TTC38: variants seen among roughly 807,000 people sequenced by gnomAD.
TTC38 encodes the protein tetratricopeptide repeat protein 38.
Under a neutral mutation model 64.2 loss-of-function variants are expected in TTC38, and 64 were observed. The ratio of observed to expected loss-of-function variants is 1.00; its 90% CI spans 0.81 to 1.23. The LOEUF (loss-of-function observed/expected upper bound fraction) is 1.23, where lower values mean the gene tolerates loss of function less well. TTC38 is among the 50% of genes most tolerant of loss of function. The pLI is 0.00. For synonymous variants in TTC38, 254 were observed against 249.3 expected, an observed-to-expected ratio of 1.02 and a Z score of -0.18; for missense variants, 573 against 615.5, an observed-to-expected ratio of 0.93 and a Z score of 0.73.
rs1235217879 is a variant in TTC38 at position 46,291,466 on chromosome 22, T to G, written c.1317-1325T>G. ...GGGGCCTTCTCTCCAAGTCCTGTCC[T>G]GCTACCAGGCAGCATCCATGGGGCC... On this transcript the variant is annotated intron_variant, in intron 13 of 13. Transcript: ENST00000381031. This position sits in a 1 kb window ranked among gnomAD's most constrained non-coding sequence, Gnocchi z 4.6. Among the ~76,000 whole-genome samples, 1 of 152,168 alleles carries G rather than the reference T, an allele frequency of 6.6e-6. No individual in the cohort carries two copies. Among genetic ancestry groups the G allele is most frequent in the Non-Finnish European group, 1.5e-5 (1 of 68,024 alleles).
At chr22:46,284,935 G>C (rs1256053384) in intron 8 of TTC38, among the ~76,000 whole-genome samples, 1 of 150,866 alleles carries the variant, frequency 6.6e-6, no homozygotes, top group Non-Finnish European at 1.5e-5. Flanking sequence ...GCAGCAGTTA[G>C]TATGAGCAAT....
In TTC38 at chr22:46,272,474, T is replaced by C. The variant is rs1266083752; in HGVS notation, c.193+58T>C. The C allele has an allele frequency of 7.0e-7, 1 of 1,435,616 alleles. No individual in the cohort carries two copies. Among genetic ancestry groups the C allele is most frequent in the East Asian group, 2.3e-5 (1 of 43,852 alleles). 88.9% of individuals were successfully genotyped at this position (1,435,616 alleles called of 1,614,324 possible). On this transcript the variant is annotated intron_variant, in intron 3 of 13. Coordinates refer to ENST00000381031, the MANE Select transcript of TTC38 (RefSeq NM_017931.4). The surrounding 1 kb of genome is among the most constrained non-coding windows in gnomAD (Gnocchi z 6.4). ...CGCTTCACACATCCAGCCCCTCTCTTTCCTTTACCACAGGGACACAGTTGG... is the reference window on the plus strand; with the variant it reads ...CGCTTCACACATCCAGCCCCTCTCTCTCCTTTACCACAGGGACACAGTTGG...
intron 10 of TTC38, among the ~76,000 whole-genome samples, chr22:46,287,605 A>G (rs1299103626): frequency 6.6e-6 from 1 of 152,208 alleles, no homozygotes; most frequent in Non-Finnish European, 1.5e-5. Context: ...GGGACCAACC[A>G]CAGCTCTGGG....
At position 46,271,435 on chromosome 22, in the gene TTC38, G is replaced by A. The variant is rs56016529; in HGVS notation, c.112-900G>A. Among the ~76,000 whole-genome samples the A allele has an allele frequency of 0.011, 1,745 of 151,908 alleles. 33 individuals carry two copies. Among genetic ancestry groups the A allele is most frequent in the African/African-American group, 0.04 (1,658 of 41,400 alleles). On this transcript the variant is annotated intron_variant, in intron 2 of 13. Transcript: ENST00000381031. This position sits in a 1 kb window ranked among gnomAD's most constrained non-coding sequence, Gnocchi z 5.5. Reference sequence around the variant, plus strand: ...TCACCGTGTTAGCCAGGATGGTCTCGATCTCCTGACCTCATGATCCGCCCA... The same window carrying A: ...TCACCGTGTTAGCCAGGATGGTCTCAATCTCCTGACCTCATGATCCGCCCA...
At position 46,275,148 on chromosome 22, in the gene TTC38, C is replaced by A; in HGVS notation, c.366-100C>A. 2 of 1,175,328 alleles carry A rather than the reference C, an allele frequency of 1.7e-6. No individual in the cohort carries two copies. The highest frequency in any genetic ancestry group is 2.4e-6 in the Non-Finnish European group (2 of 827,710). The allele number at this position is 1,175,328 out of a possible 1,614,324, so 72.8% of individuals were successfully genotyped here. ...AAACTGATTTTTAAAAAAACACATC[C>A]ATGTAGACCATGACACTGGTGAGAA... On this transcript the variant is annotated intron_variant, in intron 4 of 13. Coordinates refer to ENST00000381031, the MANE Select transcript of TTC38 (RefSeq NM_017931.4). The surrounding 1 kb of genome is among the most constrained non-coding windows in gnomAD (Gnocchi z 4.5).
rs1178485243 is a variant in TTC38, at chr22:46,276,527, A to G, written c.539+1106A>G. 6.6e-6 allele frequency among the ~76,000 whole-genome samples: 1 copy of G among 151,780 alleles called. No homozygotes were observed. Among genetic ancestry groups the G allele is most frequent in the African/African-American group, 2.4e-5 (1 of 41,358 alleles). On this transcript the variant is annotated intron_variant, in intron 5 of 13. Transcript: ENST00000381031. This position sits in a 1 kb window ranked among gnomAD's most constrained non-coding sequence, Gnocchi z 4.7. ...CATGGCAAGACTCTGTCTCTACAAA[A>G]AGAAAAAATAAATTAAAAAAGTTAG...
At position 46,268,512 on chromosome 22, in the gene TTC38, A is replaced by G. The variant is rs144175578; in HGVS notation, c.34-2A>G. On this transcript the variant is annotated splice_acceptor_variant, in intron 1 of 13. Transcript: ENST00000381031. LOFTEE classifies it high-confidence loss of function. ...CTGCTATTCCCTTCTTGCCGTCTGT[A>G]GGCCTGGAAGGATGCGAGGCTCCCG... The G allele has an allele frequency of 5.1e-4, 827 of 1,614,090 alleles. 6 individuals are homozygous for G. In the East Asian group the frequency reaches 0.017, roughly 33 times the overall value.
At chr22:46,268,615 G>T in intron 2 of TTC38, 24 bp downstream of exon 2, 1 of 1,611,716 alleles carries the variant, frequency 6.2e-7, no homozygotes, top group Non-Finnish European at 8.5e-7. Context: ...GAGAGGCCGC[G>T]GCCCCTTCTG....
intron 2 of TTC38, 81 bp downstream of exon 2, chr22:46,268,672 GT>G: frequency 2.6e-6 from 2 of 761,558 alleles, no homozygotes. Context: ...CTGTTTTTTT[GT>G]TTTGTTTTGT....
Position 46,276,824 on chromosome 22 carries a change from A to AATATATATATATATATAAAATATATATAT in TTC38, c.539+1422_539+1423insATATATATATATATATATATATATATAAA, listed in dbSNP as rs2077493016. Among the ~76,000 whole-genome samples the AATATATATATATATATAAAATATATATAT allele has an allele frequency of 2.1e-5, 3 of 139,554 alleles. No homozygotes were observed. The highest frequency in any genetic ancestry group is 8.3e-5 in the African/African-American group (3 of 36,130). The allele number at this position is 139,554 out of a possible 152,430, so 91.6% of individuals were successfully genotyped here. A position where few individuals can be genotyped will look rare whatever the true frequency, so the allele number is the denominator to read the frequency against. ...ATTATATATTAAAATATATATATTA[A>AATATATATATATATATAAAATATATATAT]ATATATATATATATATAAACATATA... is the stretch of plus-strand genomic sequence containing the variant. On this transcript the variant is annotated intron_variant, in intron 5 of 13. Transcript: ENST00000381031. This position sits in a 1 kb window ranked among gnomAD's most constrained non-coding sequence, Gnocchi z 4.7.
chr22:46,285,182 G>T (rs974307261), intron 8 of TTC38, 59 bp from the exon 9 acceptor site: 1 of 1,510,690 alleles, frequency 6.6e-7, no homozygotes, highest in South Asian at 1.1e-5. Context: ...CTCAGTTCAC[G>T]TGCCAGCATT....
chr22:46,277,755 C>T (rs968845812), intron 5 of TTC38, among the ~76,000 whole-genome samples: 2 of 152,200 alleles, frequency 1.3e-5, no homozygotes, highest in African/African-American at 4.8e-5. Context: ...GGGGAGGACC[C>T]GGCCATTCAC....
In TTC38 at chr22:46,271,113, A is replaced by G. The variant is rs1253040784; in HGVS notation, c.112-1222A>G. On this transcript the variant is annotated intron_variant, in intron 2 of 13. Transcript: ENST00000381031. The surrounding 1 kb of genome is among the most constrained non-coding windows in gnomAD (Gnocchi z 5.5). The stretch of plus-strand genomic sequence containing the variant: ...ATAAATGTTTTCTGTGAATATTTTT[A>G]AAACGAATGAATAAGAAGCAGGAAT... 6.6e-6 allele frequency among the ~76,000 whole-genome samples: 1 copy of G among 152,250 alleles called. No homozygotes were observed. The highest frequency in any genetic ancestry group is 1.5e-5 in the Non-Finnish European group (1 of 68,046).
At position 46,276,361 on chromosome 22, in the gene TTC38, G is replaced by A. The variant is rs2077487198; in HGVS notation, c.539+940G>A. ...TTGGATGAGGCCCACCCACATGGAGGGTAATCTGCTTTACTCAAATCGCAT... is the reference window on the plus strand; with the variant it reads ...TTGGATGAGGCCCACCCACATGGAGAGTAATCTGCTTTACTCAAATCGCAT... On this transcript the variant is annotated intron_variant, in intron 5 of 13. Transcript: ENST00000381031. This position sits in a 1 kb window ranked among gnomAD's most constrained non-coding sequence, Gnocchi z 4.7. 6.6e-6 allele frequency among the ~76,000 whole-genome samples: 1 copy of A among 152,046 alleles called. No individual in the cohort carries two copies.
At position 46,276,941 on chromosome 22, in the gene TTC38, T is replaced by G. The variant is rs2077494579; in HGVS notation, c.539+1520T>G. Among the ~76,000 whole-genome samples the G allele has an allele frequency of 6.7e-6, 1 of 148,850 alleles. No homozygotes were observed. Among genetic ancestry groups the G allele is most frequent in the South Asian group, 2.1e-4 (1 of 4,736 alleles). ...GGCCAGCCAAATTGACAGATAAAAA[T>G]TAACCGTCATGAAACCTAATAGTAC... On this transcript the variant is annotated intron_variant, in intron 5 of 13. Transcript: ENST00000381031. This position sits in a 1 kb window ranked among gnomAD's most constrained non-coding sequence, Gnocchi z 4.7.
chr22:46,272,301 T>A lies in TTC38; in HGVS notation c.112-34T>A. ...ACCTTTGTTAGAATGATCCAAGGGC[T>A]CCGTGAGGACTTGTTTTGCTTTTCC... On this transcript the variant is annotated intron_variant, in intron 2 of 13. Coordinates refer to ENST00000381031, the MANE Select transcript of TTC38 (RefSeq NM_017931.4). The surrounding 1 kb of genome is among the most constrained non-coding windows in gnomAD (Gnocchi z 6.4). The A allele has an allele frequency of 6.4e-7, 1 of 1,569,644 alleles. No individual in the cohort carries two copies. Among genetic ancestry groups the A allele is most frequent in the Non-Finnish European group, 8.8e-7 (1 of 1,140,124 alleles).
At position 46,281,592 on chromosome 22, in the gene TTC38, T is replaced by C. The variant is rs1448849838; in HGVS notation, c.616-7T>C. On this transcript the variant is annotated splice_polypyrimidine_tract_variant and splice_region_variant and intron_variant, in intron 6 of 13. Coordinates refer to ENST00000381031, the MANE Select transcript of TTC38 (RefSeq NM_017931.4). This position sits in a 1 kb window ranked among gnomAD's most constrained non-coding sequence, Gnocchi z 5.2. ...ATCTGGAATCCTCTTCCCCGCACCC[T>C]GCGTAGGCTTTATCTATTAACCCGA... 8 of 1,595,936 alleles carry C rather than the reference T, an allele frequency of 5.0e-6. No homozygotes were observed. Among genetic ancestry groups the C allele is most frequent in the Non-Finnish European group, 6.8e-6 (8 of 1,168,490 alleles).
intron 6 of TTC38, 151 bp downstream of exon 6, chr22:46,278,812 G>C (rs2077512559): frequency 2.8e-6 from 2 of 715,384 alleles, no homozygotes; most frequent in Non-Finnish European, 4.9e-6. Flanking sequence ...ATGTTAGTGT[G>C]AGCAGCTGCC....
chr22:46,285,142 A>G (rs2147798097), intron 8 of TTC38, 99 bp from the exon 9 acceptor site: 1 of 1,037,996 alleles, frequency 9.6e-7, no homozygotes, highest in Admixed American at 1.7e-5. Context: ...GCCGGAGACC[A>G]TGTGCTCAGG....
Sources: allele counts gnomAD v4.1 joint callset (sites outside exome capture counted in the v4.1 genomes callset), GRCh38; gene constraint gnomAD v4.1.1; non-coding constraint Gnocchi (gnomAD v3.1); transcripts MANE v1.5; gene names NCBI Gene and HGNC (gene_info 2026-07-23, HGNC 2026-07-21).